Variants in TMEM117 observed in about 807,000 individuals in gnomAD.
The protein encoded by TMEM117 is transmembrane protein 117.
TMEM117 carries 27 observed loss-of-function variants against 52.4 expected under a neutral mutation model. The ratio of observed to expected loss-of-function variants is 0.51; its 90% CI spans 0.38 to 0.71. The LOEUF (loss-of-function observed/expected upper bound fraction) is 0.71. Ranked by LOEUF, TMEM117 falls within the 30% of genes least tolerant of loss-of-function variation. The pLI is 0.00. For missense variants in TMEM117, 556 were observed against 630.5 expected (o/e 0.88, Z 1.26); for synonymous variants, 215 against 206.3 (o/e 1.04, Z -0.36).
the TMEM117 span, among the ~76,000 whole-genome samples, chr12:43,825,764 C>T: frequency 1.3e-5 from 2 of 152,098 alleles, no homozygotes; most frequent in African/African-American, 4.8e-5. Flanking sequence ...GAAACTCCAC[C>T]TCAAGAGATT....
chr12:44,388,616 AG>A lies in TMEM117; in HGVS notation c.1490del (p.Ser497MetfsTer50), dbSNP rs760006313. ...NLSSQLNESTSATEADQDPTT... is the reference protein window; with the variant it reads ...NLSSQLNESTXATEADQDPTT... ...GAGCTCACAGTTGAACGAATCTACTAGTGCAACAGAAGCTGATCAAGACCCA... is the reference window on the plus strand; with the variant it reads ...GAGCTCACAGTTGAACGAATCTACTATGCAACAGAAGCTGATCAAGACCCA... On this transcript the variant is annotated frameshift_variant, in exon 8 of 8. Coordinates refer to ENST00000266534, the MANE Select transcript of TMEM117 (RefSeq NM_032256.3). LOFTEE classifies it high-confidence loss of function. 6.8e-6 allele frequency: 11 copies of A among 1,613,498 alleles called. No homozygotes were observed. Among genetic ancestry groups the A allele is most frequent in the Non-Finnish European group, 8.5e-6 (10 of 1,179,560 alleles).
At chr12:44,096,739 T>G (rs1375729175) in intron 3 of TMEM117, among the ~76,000 whole-genome samples, 1 of 152,150 alleles carries the variant, frequency 6.6e-6, no homozygotes, top group African/African-American at 2.4e-5. Flanking sequence ...ACTTACATGT[T>G]AGACCTAAAA....
intron 3 of TMEM117, among the ~76,000 whole-genome samples, chr12:43,973,798 A>G (rs939042608): frequency 1.3e-5 from 2 of 152,214 alleles, no homozygotes; most frequent in African/African-American, 4.8e-5. Flanking sequence ...TTAGAAGTCT[A>G]CTGTCAAGGA....
intron 6 of TMEM117, among the ~76,000 whole-genome samples, chr12:44,370,864 T>C (rs1222409161): frequency 6.6e-6 from 1 of 152,176 alleles, no homozygotes; most frequent in African/African-American, 2.4e-5. Flanking sequence ...ATTTGAGTTC[T>C]TACTATATAC....
intron 3 of TMEM117, among the ~76,000 whole-genome samples, chr12:43,961,355 T>A (rs1266981207): frequency 6.6e-6 from 1 of 152,002 alleles, no homozygotes; most frequent in Non-Finnish European, 1.5e-5. Flanking sequence ...CATGCAATTG[T>A]AATAGTTATT....
At chr12:43,876,137 C>T (rs1300119302) in intron 2 of TMEM117, among the ~76,000 whole-genome samples, 1 of 152,190 alleles carries the variant, frequency 6.6e-6, no homozygotes, top group Non-Finnish European at 1.5e-5. Context: ...GTGGCTCATC[C>T]TGTTCTCATG....
chr12:44,114,839 C>G (rs557246331), intron 3 of TMEM117, among the ~76,000 whole-genome samples: 2 of 152,316 alleles, frequency 1.3e-5, no homozygotes, highest in South Asian at 4.1e-4. Flanking sequence ...AAAAATGCTA[C>G]TACTTCCACA....
rs557046721 is a variant in TMEM117 at position 44,276,888 on chromosome 12, G to T, written c.609-22692G>T. On this transcript the variant is annotated intron_variant, in intron 5 of 7. Transcript: ENST00000266534. ...GAAGTTCTTTTTAAATACATGAAAA[G>T]TTTGTGTGTGTGTGTGTGTATGTGT... Among the ~76,000 whole-genome samples, 43 of 148,606 alleles carry T rather than the reference G, an allele frequency of 2.9e-4. 1 individual carries two copies. The highest frequency in any genetic ancestry group is 1.0e-3 in the African/African-American group (40 of 38,946).
At chr12:44,062,948 C>A (rs1257079592) in intron 3 of TMEM117, among the ~76,000 whole-genome samples, 1 of 152,110 alleles carries the variant, frequency 6.6e-6, no homozygotes, top group East Asian at 1.9e-4. Context: ...AAGATGTAAA[C>A]CTAAAAATGT....
chr12:44,015,906 A>C (rs1414462139), intron 3 of TMEM117, among the ~76,000 whole-genome samples: 1 of 152,202 alleles, frequency 6.6e-6, no homozygotes, highest in Non-Finnish European at 1.5e-5. Flanking sequence ...GATTTAAGAA[A>C]ATTTTGATGT....
At chr12:43,877,111 G>GA (rs1943810738) in intron 2 of TMEM117, among the ~76,000 whole-genome samples, 1 of 152,058 alleles carries the variant, frequency 6.6e-6, no homozygotes, top group Non-Finnish European at 1.5e-5. Context: ...GAGCTTCAAA[G>GA]AATGTCCATG....
chr12:43,994,132 G>T (rs1945990714), intron 3 of TMEM117, among the ~76,000 whole-genome samples: 1 of 152,118 alleles, frequency 6.6e-6, no homozygotes, highest in African/African-American at 2.4e-5. Context: ...AATGTCTTCT[G>T]GTTCAGGTCA....
chr12:44,116,002 A>G (rs1006524731), intron 3 of TMEM117, among the ~76,000 whole-genome samples: 3 of 152,158 alleles, frequency 2.0e-5, no homozygotes, highest in Non-Finnish European at 4.4e-5. Context: ...GGCTACAGTT[A>G]TGGTCTTTAT....
At chr12:44,286,318 A>AAT (rs1207318957) in intron 5 of TMEM117, among the ~76,000 whole-genome samples, 2 of 150,512 alleles carry the variant, frequency 1.3e-5, no homozygotes, top group African/African-American at 4.9e-5. Flanking sequence ...TTATATATAT[A>AAT]ATATATATAA....
chr12:44,342,190 A>G (rs1436886555), intron 6 of TMEM117, among the ~76,000 whole-genome samples: 1 of 152,164 alleles, frequency 6.6e-6, no homozygotes, highest in Non-Finnish European at 1.5e-5. Context: ...GTCGTTTGTC[A>G]TGTCTAAAGG....
rs1299357292 is a variant in TMEM117 at position 43,927,450 on chromosome 12, G to GT, written c.278-16750dup. ...TCTTTGTTAATTTTTTTTGTTTTTG[G>GT]TTTTTTTTTTGGTTTGCATGACTTA... On this transcript the variant is annotated intron_variant, in intron 2 of 7. Coordinates refer to ENST00000266534, the MANE Select transcript of TMEM117 (RefSeq NM_032256.3). Among the ~76,000 whole-genome samples, 1,185 of 145,304 alleles carry GT rather than the reference G, an allele frequency of 8.2e-3. 10 individuals are homozygous for GT. Among genetic ancestry groups the GT allele is most frequent in the African/African-American group, 0.024 (959 of 39,830 alleles).
At chr12:44,240,900 T>C (rs1460200234) in intron 5 of TMEM117, among the ~76,000 whole-genome samples, 1 of 152,062 alleles carries the variant, frequency 6.6e-6, no homozygotes, top group Non-Finnish European at 1.5e-5. Flanking sequence ...GGGATATGCA[T>C]TTTTAATTTT....
rs570344909 is a variant in TMEM117, at chr12:44,096,190, A to T, written c.411-47335A>T. ...AGGACTTCTTCAAGGAGAACTACAA[A>T]CCATTACTCAATGAAATAAAAGAGG... On this transcript the variant is annotated intron_variant, in intron 3 of 7. Coordinates refer to ENST00000266534, the MANE Select transcript of TMEM117 (RefSeq NM_032256.3). 2.0e-5 allele frequency among the ~76,000 whole-genome samples: 3 copies of T among 152,328 alleles called. No individual in the cohort carries two copies. The South Asian group carries it at 6.2e-4, about 32-fold the overall frequency.
At chr12:44,335,709 C>G (rs554290888) in intron 6 of TMEM117, among the ~76,000 whole-genome samples, 4 of 152,124 alleles carry the variant, frequency 2.6e-5, no homozygotes, top group Non-Finnish European at 4.4e-5. Flanking sequence ...AAGCTTTTCA[C>G]TTTTTTGTTA....
Sources: allele counts gnomAD v4.1 joint callset (sites outside exome capture counted in the v4.1 genomes callset), GRCh38; gene constraint gnomAD v4.1.1; transcripts MANE v1.5; gene names NCBI Gene and HGNC (gene_info 2026-07-23, HGNC 2026-07-21).